NDUFAF7: variants seen among roughly 807,000 people sequenced by gnomAD.
NDUFAF7 encodes NADH:ubiquinone oxidoreductase complex assembly factor 7.
Under a neutral mutation model 47.2 loss-of-function variants are expected in NDUFAF7, and 48 were observed. The ratio of observed to expected loss-of-function variants is 1.02; its 90% CI spans 0.81 to 1.29. NDUFAF7 has a LOEUF of 1.29. Ranked by LOEUF, NDUFAF7 falls within the 50% of genes most tolerant of loss-of-function variation. The probability of loss-of-function intolerance (pLI) is 0.00; values close to 1 mark genes in which losing one functional copy is unlikely to be tolerated. For missense variants in NDUFAF7, 635 were observed against 537.6 expected (o/e 1.18, Z -1.79); for synonymous variants, 217 against 190.0 (o/e 1.14, Z -1.17).
chr2:37,267,612 T>C, the NDUFAF7 span: 101 of 1,042,908 alleles, frequency 9.7e-5, no homozygotes, highest in African/African-American at 1.5e-3. Context: ...AGACTGAAAT[T>C]TATATGTATT....
chr2:37,241,928 T>C (rs1666393898), intron 5 of NDUFAF7, 137 bp downstream of exon 5: 3 of 707,230 alleles, frequency 4.2e-6, no homozygotes, highest in Admixed American at 3.0e-5. Context: ...AGTAGCCTAC[T>C]TTTTTCTAGA....
At chr2:37,232,880 C>A (rs1665322701) in intron 2 of NDUFAF7, among the ~76,000 whole-genome samples, 1 of 152,158 alleles carries the variant, frequency 6.6e-6, no homozygotes, top group Admixed American at 6.5e-5. Context: ...GCCTATAGTC[C>A]TTTATTTTAG....
the NDUFAF7 span, among the ~76,000 whole-genome samples, chr2:37,265,871 T>C: frequency 2.0e-5 from 3 of 152,218 alleles, no homozygotes; most frequent in Non-Finnish European, 2.9e-5. Flanking sequence ...TTAGTTATTA[T>C]GATCCATAGC....
At chr2:37,245,057 T>C (rs1666764045) in intron 7 of NDUFAF7, among the ~76,000 whole-genome samples, 1 of 152,254 alleles carries the variant, frequency 6.6e-6, no homozygotes, top group Non-Finnish European at 1.5e-5. Context: ...TCATGGTTTT[T>C]ATAGTTAAGC....
chr2:37,259,472 G>GT, the NDUFAF7 span: 1 of 636,916 alleles, frequency 1.6e-6, no homozygotes, highest in Non-Finnish European at 2.6e-6. Context: ...AACTATTTTT[G>GT]TAAGGTGGTA....
downstream of NDUFAF7, chr2:37,252,847 T>TTATATTTATATATATA (rs1553362997): frequency 6.9e-6 from 1 of 145,014 alleles, no homozygotes; most frequent in Non-Finnish European, 1.5e-5. Flanking sequence ...ATATTTATAT[T>TTATATTTATATATATA]TATATATATA....
intron 4 of NDUFAF7, among the ~76,000 whole-genome samples, chr2:37,239,362 G>T (rs1021073488): frequency 6.6e-6 from 1 of 152,064 alleles, no homozygotes; most frequent in African/African-American, 2.4e-5. Flanking sequence ...GAAGTGGTCC[G>T]CCTGCCTCGG....
At chr2:37,270,230 G>GA in the NDUFAF7 span, among the ~76,000 whole-genome samples, 65 of 131,112 alleles carry the variant, frequency 5.0e-4, 1 homozygote, top group Admixed American at 1.6e-3. Context: ...TCCATCTCAA[G>GA]AAAAAAAAAA....
chr2:37,255,908 G>C (rs573012134), downstream of NDUFAF7, among the ~76,000 whole-genome samples: 1 of 152,252 alleles, frequency 6.6e-6, no homozygotes, highest in African/African-American at 2.4e-5. Flanking sequence ...CACCTAGTCA[G>C]GAGGCTGAGG....
downstream of NDUFAF7, chr2:37,250,876 A>G (rs1572583929): frequency 6.5e-6 from 1 of 152,768 alleles, no homozygotes; most frequent in South Asian, 2.1e-4. Flanking sequence ...TTAAAGACAA[A>G]AAGTTATGCA....
intron 7 of NDUFAF7, 34 bp downstream of exon 7, chr2:37,244,007 C>G (rs775607154): frequency 1.4e-6 from 2 of 1,475,264 alleles, no homozygotes; most frequent in Non-Finnish European, 1.9e-6. Context: ...TCTTTTATTG[C>G]TCACAGAATC....
intron 5 of NDUFAF7, 42 bp from the exon 6 acceptor site, chr2:37,242,593 G>A (rs369215340): frequency 1.4e-6 from 2 of 1,462,536 alleles, no homozygotes; most frequent in African/African-American, 2.8e-5. Context: ...ATTAATTCCT[G>A]TGAAATGTGG....
chr2:37,238,074 A>G (rs962495157), intron 4 of NDUFAF7, among the ~76,000 whole-genome samples: 5 of 152,162 alleles, frequency 3.3e-5, no homozygotes, highest in Non-Finnish European at 7.4e-5. Context: ...ATGAAAGCTA[A>G]AAATAGGAAA....
At chr2:37,252,781 ATATAG>A (rs1667597066), downstream of NDUFAF7, 1 of 151,490 alleles carries the variant, frequency 6.6e-6, no homozygotes, top group Non-Finnish European at 1.5e-5. Context: ...TAGCCAAGCT[ATATAG>A]TAACTGGATG....
downstream of NDUFAF7, chr2:37,252,948 G>T (rs1041301919): frequency 5.7e-6 from 2 of 348,686 alleles, no homozygotes; most frequent in African/African-American, 2.1e-5. Flanking sequence ...TATTGCTTAG[G>T]CTAAAAAAGT....
In NDUFAF7 at chr2:37,232,240, A is replaced by C; in HGVS notation, c.190A>C (p.Lys64Gln). 6.2e-7 allele frequency: 1 copy of C among 1,613,408 alleles called. No homozygotes were observed. The highest frequency in any genetic ancestry group is 1.3e-5 in the African/African-American group (1 of 75,018). ...TGPITVAEYM[K>Q]EVLTNPAKGY... ...TCCCATCACTGTGGCCGAGTACATG[A>C]AGGAGGTGTTGACTAATCCAGCCAA... The change falls in exon 2 of 10, where the codon AAG (lysine) becomes CAG (glutamine). Residue 64 changes from lysine (K) to glutamine (Q), a missense_variant. By Grantham distance (53) the Lys-to-Gln change is moderately conservative. Coordinates refer to ENST00000002125, the MANE Select transcript of NDUFAF7 (RefSeq NM_144736.5).
Position 37,248,472 on chromosome 2 carries a change from C to A in NDUFAF7, c.*122C>A. On this transcript the variant is annotated 3_prime_UTR_variant, in exon 10 of 10. Coordinates refer to ENST00000002125, the MANE Select transcript of NDUFAF7 (RefSeq NM_144736.5). Reference sequence around the variant, plus strand: ...TTATCTTTTCACAGCAAGAACAGTCCATGTTGTATATAATACAACCAACAT... The same window carrying A: ...TTATCTTTTCACAGCAAGAACAGTCAATGTTGTATATAATACAACCAACAT... 1.0e-6 allele frequency: 1 copy of A among 977,892 alleles called. No individual in the cohort carries two copies. Among genetic ancestry groups the A allele is most frequent in the Non-Finnish European group, 1.6e-6 (1 of 625,150 alleles). 60.6% of individuals were successfully genotyped at this position (977,892 alleles called of 1,614,324 possible).
the NDUFAF7 span, among the ~76,000 whole-genome samples, chr2:37,266,995 T>C: frequency 6.6e-6 from 1 of 152,204 alleles, no homozygotes; most frequent in East Asian, 1.9e-4. Context: ...TCATTGCCAA[T>C]ATATCTTTAA....
intron 7 of NDUFAF7, among the ~76,000 whole-genome samples, chr2:37,245,117 C>A (rs1170864054): frequency 6.6e-6 from 1 of 152,152 alleles, no homozygotes; most frequent in Non-Finnish European, 1.5e-5. Flanking sequence ...ATATTTAATC[C>A]TCACAATAAA....
Sources: gnomAD v4.1 joint callset for allele counts (sites outside exome capture counted in the v4.1 genomes callset) on GRCh38, gnomAD v4.1.1 for gene constraint, MANE v1.5 for transcripts, NCBI Gene and HGNC (gene_info 2026-07-23, HGNC 2026-07-21) for gene names.